Variants in DIPK1A observed in about 807,000 individuals in gnomAD.
DIPK1A encodes the protein family with sequence similarity 69 member A.
Under a neutral mutation model 40.8 loss-of-function variants are expected in DIPK1A, and 27 were observed. The observed-to-expected ratio is 0.66, with a 90% CI of 0.49 to 0.91. The LOEUF (loss-of-function observed/expected upper bound fraction) is 0.91, where lower values mean the gene tolerates loss of function less well. Ranked by LOEUF, DIPK1A falls within the 40% of genes least tolerant of loss-of-function variation. The pLI is 0.00. For missense variants in DIPK1A, 412 were observed against 505.7 expected, an observed-to-expected ratio of 0.81 and a Z score of 1.78; for synonymous variants, 166 against 171.3, an observed-to-expected ratio of 0.97 and a Z score of 0.24.
At chr1:92,941,196 C>T (rs1484012396) in intron 1 of DIPK1A, among the ~76,000 whole-genome samples, 2 of 152,118 alleles carry the variant, frequency 1.3e-5, no homozygotes, top group Non-Finnish European at 2.9e-5. Flanking sequence ...ACTATTATTT[C>T]TTGCCAGAAT....
At chr1:92,847,407 T>G (rs763386806) in intron 3 of DIPK1A, 48 bp from the exon 4 acceptor site, 3 of 1,269,820 alleles carry the variant, frequency 2.4e-6, no homozygotes, top group Non-Finnish European at 3.2e-6. Context: ...AGTAGAAAAC[T>G]CTAAAAAATA....
intron 1 of DIPK1A, among the ~76,000 whole-genome samples, chr1:92,899,525 G>A (rs1052626741): frequency 2.0e-5 from 3 of 152,104 alleles, no homozygotes; most frequent in African/African-American, 7.2e-5. Flanking sequence ...TTTTAAGTGG[G>A]GGATTTAATC....
chr1:92,840,552 T>G (rs775785062), downstream of DIPK1A: 1 of 1,611,260 alleles, frequency 6.2e-7, no homozygotes, highest in Admixed American at 1.7e-5. Flanking sequence ...TTGTTTCAGA[T>G]GGAGGAGATG....
At chr1:92,940,884 G>A (rs995759947) in intron 1 of DIPK1A, among the ~76,000 whole-genome samples, 1 of 152,042 alleles carries the variant, frequency 6.6e-6, no homozygotes, top group Non-Finnish European at 1.5e-5. Context: ...AAGCTTGAAT[G>A]TCTTCATCTG....
chr1:92,954,424 C>A (rs1651764369), intron 1 of DIPK1A, among the ~76,000 whole-genome samples: 1 of 113,654 alleles, frequency 8.8e-6, no homozygotes, highest in Non-Finnish European at 1.6e-5. Flanking sequence ...GTCACCCAGA[C>A]TGGAGTGCAG....
At chr1:92,852,355 G>C (rs1441397882) in intron 2 of DIPK1A, among the ~76,000 whole-genome samples, 1 of 152,096 alleles carries the variant, frequency 6.6e-6, no homozygotes, top group Non-Finnish European at 1.5e-5. Context: ...AAAATTAGCT[G>C]GGCGTGGTGG....
chr1:92,898,050 G>A (rs1057366450), intron 1 of DIPK1A, among the ~76,000 whole-genome samples: 3 of 152,132 alleles, frequency 2.0e-5, no homozygotes, highest in African/African-American at 7.2e-5. Flanking sequence ...AGTGGGTCAA[G>A]ATTGTGTCAC....
At chr1:92,852,903 T>G (rs2774943) in intron 2 of DIPK1A, among the ~76,000 whole-genome samples, 133,308 of 152,080 alleles carry the variant, frequency 0.88, 58,616 homozygotes, top group East Asian at 0.96. Context: ...TTAGCTGGGT[T>G]TGGGGGCACA....
chr1:92,886,426 T>C (rs148384207), intron 1 of DIPK1A, among the ~76,000 whole-genome samples: 57 of 152,230 alleles, frequency 3.7e-4, no homozygotes, highest in African/African-American at 1.3e-3. Flanking sequence ...GCTCAAGCAA[T>C]TGGCCTGCCT....
At chr1:92,940,853 T>C (rs886255186) in intron 1 of DIPK1A, among the ~76,000 whole-genome samples, 1 of 152,256 alleles carries the variant, frequency 6.6e-6, no homozygotes, top group Non-Finnish European at 1.5e-5. Context: ...GGTTTTAATG[T>C]GCAATTCCCT....
intron 1 of DIPK1A, among the ~76,000 whole-genome samples, chr1:92,924,931 G>A (rs1359865069): frequency 6.6e-6 from 1 of 152,246 alleles, no homozygotes; most frequent in Admixed American, 6.5e-5. Flanking sequence ...TAAGAATGAT[G>A]TTAGCTGAAG....
intron 1 of DIPK1A, among the ~76,000 whole-genome samples, chr1:92,942,776 G>T (rs1651205336): frequency 6.6e-6 from 1 of 152,154 alleles, no homozygotes. Context: ...TGATTCTCCT[G>T]CCTCAGACTC....
chr1:92,866,957 A>ATGTG (rs146249082), intron 2 of DIPK1A, among the ~76,000 whole-genome samples: 1 of 151,928 alleles, frequency 6.6e-6, no homozygotes, highest in Admixed American at 6.6e-5. Flanking sequence ...TGATTAAATA[A>ATGTG]TGTGTGTGTG....
chr1:92,850,986 TAGAAA>T, intron 2 of DIPK1A, 31 bp from the exon 3 acceptor site: 1 of 1,340,086 alleles, frequency 7.5e-7, no homozygotes, highest in Non-Finnish European at 1.0e-6. Flanking sequence ...AAGTAGTTAA[TAGAAA>T]AATATTCACA....
Position 92,847,675 on chromosome 1 carries a change from A to G in DIPK1A, c.298-316T>C, listed in dbSNP as rs183536738. Among the ~76,000 whole-genome samples the G allele has an allele frequency of 7.0e-4, 106 of 152,310 alleles. 1 individual carries two copies. Among genetic ancestry groups the G allele is most frequent in the Admixed American group, 6.9e-3 (106 of 15,298 alleles). ...TAATCCCACTTCCCCAGAATTAACT[A>G]CTATTTAAGTATCTAGTTATTTATC... On this transcript the variant is annotated intron_variant, in intron 3 of 4. Transcript: ENST00000370310.
chr1:92,915,082 T>G (rs1650000175), intron 1 of DIPK1A, among the ~76,000 whole-genome samples: 1 of 53,974 alleles, frequency 1.9e-5, no homozygotes, highest in Non-Finnish European at 3.3e-5. Context: ...AGCAAGACTG[T>G]CAAAAAAAAA....
chr1:92,924,841 G>T (rs1013332862), intron 1 of DIPK1A, among the ~76,000 whole-genome samples: 39 of 152,214 alleles, frequency 2.6e-4, no homozygotes, highest in African/African-American at 9.4e-4. Flanking sequence ...ATGCTGAGTT[G>T]GTCATGTCCC....
intron 1 of DIPK1A, among the ~76,000 whole-genome samples, chr1:92,942,537 T>C (rs78941852): frequency 0.017 from 2,639 of 152,318 alleles, 63 homozygotes; most frequent in African/African-American, 0.055. Context: ...TTCTTTTTTA[T>C]CAAAATGAAC....
At chr1:92,937,733 T>A (rs945643565) in intron 1 of DIPK1A, among the ~76,000 whole-genome samples, 2 of 152,190 alleles carry the variant, frequency 1.3e-5, no homozygotes, top group African/African-American at 4.8e-5. Flanking sequence ...TGACTGCAGA[T>A]CTAGCATGCT....
Sources: allele counts gnomAD v4.1 joint callset (sites outside exome capture counted in the v4.1 genomes callset), GRCh38; gene constraint gnomAD v4.1.1; transcripts MANE v1.5; gene names NCBI Gene and HGNC (gene_info 2026-07-23, HGNC 2026-07-21).